The following PHIP variants were observed in gnomAD, a reference collection of about 807,000 sequenced individuals.
The protein encoded by PHIP is PHIP subunit of CUL4-Ring ligase complex, also known as PH-interacting protein.
PHIP carries 54 observed loss-of-function variants against 236.8 expected under a neutral mutation model. The ratio of observed to expected loss-of-function variants is 0.23; its 90% CI spans 0.18 to 0.29. The LOEUF is 0.29. Ranked by LOEUF, PHIP falls within the 10% of genes least tolerant of loss-of-function variation. The pLI, the probability that PHIP is intolerant of heterozygous loss-of-function variation, is 1.00. For missense variants in PHIP, 1,370 were observed against 2,190.8 expected (o/e 0.63, Z 7.48); for synonymous variants, 756 against 718.9 (o/e 1.05, Z -0.83).
chr6:79,002,412 T>C lies in PHIP; in HGVS notation c.1654-288A>G, dbSNP rs78301050. 3.1e-3 allele frequency among the ~76,000 whole-genome samples: 475 copies of C among 152,180 alleles called. 2 individuals are homozygous for C. Among genetic ancestry groups the C allele is most frequent in the African/African-American group, 0.01 (420 of 41,528 alleles). On this transcript the variant is annotated intron_variant, in intron 16 of 39. Transcript: ENST00000275034. ...GCAATTTTGCTTTCCATGGTTTCAGTTACCTGTGGTCAACCTGACTCCAAA... is the reference window on the plus strand; with the variant it reads ...GCAATTTTGCTTTCCATGGTTTCAGCTACCTGTGGTCAACCTGACTCCAAA...
At chr6:79,025,090 T>C (rs1771329776) in intron 9 of PHIP, among the ~76,000 whole-genome samples, 1 of 152,180 alleles carries the variant, frequency 6.6e-6, no homozygotes, top group Admixed American at 6.5e-5. Flanking sequence ...ACTTCAATGA[T>C]TCTGTCTCCC....
chr6:79,039,733 G>A (rs1281768681), intron 7 of PHIP, among the ~76,000 whole-genome samples: 4 of 152,108 alleles, frequency 2.6e-5, no homozygotes, highest in Non-Finnish European at 1.5e-5. Flanking sequence ...GGCGTTCCAT[G>A]TACTTTTGAG....
intron 19 of PHIP, among the ~76,000 whole-genome samples, chr6:78,991,995 G>A (rs1244977473): frequency 3.5e-5 from 5 of 141,478 alleles, no homozygotes; most frequent in Admixed American, 1.5e-4. Context: ...ATGGAGTCTC[G>A]CTGTCGCCCA....
intron 32 of PHIP, chr6:78,957,601 T>G (rs966360216): frequency 2.0e-5 from 3 of 148,138 alleles, no homozygotes; most frequent in Non-Finnish European, 4.5e-5. Context: ...AAAAACTGAA[T>G]AATCCTGAAT....
intron 29 of PHIP, among the ~76,000 whole-genome samples, chr6:78,963,926 T>C (rs950201595): frequency 1.3e-5 from 2 of 152,086 alleles, no homozygotes; most frequent in Non-Finnish European, 1.5e-5. Context: ...TTAAACTCTA[T>C]AGGTTCGTAT....
At chr6:78,970,727 C>A in intron 25 of PHIP, 54 bp downstream of exon 25, 2 of 1,166,592 alleles carry the variant, frequency 1.7e-6, no homozygotes, top group South Asian at 2.7e-5. Context: ...ACAATTTTCT[C>A]CAAATTCCAT....
rs532023333 is a variant in PHIP at position 78,936,410 on chromosome 6, T to C, written c.*4283A>G. 13 of 152,006 alleles carry C rather than the reference T, an allele frequency of 8.6e-5. No homozygotes were observed. Among genetic ancestry groups the C allele is most frequent in the South Asian group, 6.2e-4 (3 of 4,828 alleles). 9.4% of individuals were successfully genotyped at this position (152,006 alleles called of 1,614,324 possible). A position where few individuals can be genotyped will look rare whatever the true frequency, so the allele number is the denominator to read the frequency against. On this transcript the variant is annotated 3_prime_UTR_variant, in exon 40 of 40. Transcript: ENST00000275034. ...TTAATATGGTCCAAAAATGTAACTT[T>C]GTATTGTCTCATGTTATAGTCTATC...
chr6:78,996,029 T>C (rs1183925463), intron 19 of PHIP, among the ~76,000 whole-genome samples: 3 of 152,200 alleles, frequency 2.0e-5, no homozygotes, highest in Non-Finnish European at 2.9e-5. Context: ...ATGAAGAATA[T>C]TTGAAGAGAA....
intron 15 of PHIP, 25 bp from the exon 16 acceptor site, chr6:79,003,883 A>T: frequency 6.6e-7 from 1 of 1,516,870 alleles, no homozygotes; most frequent in Non-Finnish European, 8.9e-7. Context: ...ACCAACAGTA[A>T]GAAAACTACC....
At position 78,962,586 on chromosome 6, in the gene PHIP, A is replaced by C. The variant is rs370495888; in HGVS notation, c.3535+511T>G. Among the ~76,000 whole-genome samples, 77 of 152,208 alleles carry C rather than the reference A, an allele frequency of 5.1e-4. 2 individuals carry two copies. The South Asian group carries it at 0.015, about 30-fold the overall frequency. On this transcript the variant is annotated intron_variant, in intron 30 of 39. Transcript: ENST00000275034. ...AGTGGGTTGCTACAAACCACCACATAATCTAGTTACTTCAGAAGCCCAGAA... is the reference window on the plus strand; with the variant it reads ...AGTGGGTTGCTACAAACCACCACATCATCTAGTTACTTCAGAAGCCCAGAA...
rs1189497470 is a variant in PHIP at position 78,946,705 on chromosome 6, A to G, written c.4370+6T>C. The G allele has an allele frequency of 3.2e-6, 5 of 1,541,232 alleles. No individual in the cohort carries two copies. The African/African-American group carries it at 7.2e-5, about 22-fold the overall frequency. The stretch of plus-strand genomic sequence containing the variant: ...CAGCTAGTGGTATTTAAAAGAAATT[A>G]AATACCTTGATGCAGCACTACTGGA... On this transcript the variant is annotated splice_donor_region_variant and intron_variant, in intron 37 of 39. Transcript: ENST00000275034.
intron 36 of PHIP, 94 bp from the exon 37 acceptor site, chr6:78,946,968 A>C: frequency 1.5e-6 from 1 of 674,644 alleles, no homozygotes; most frequent in Non-Finnish European, 2.4e-6. Flanking sequence ...CCAGTAAAAA[A>C]TATTTAGAAT....
chr6:79,019,719 G>A (rs939923219), intron 9 of PHIP, among the ~76,000 whole-genome samples: 2 of 151,942 alleles, frequency 1.3e-5, no homozygotes, highest in East Asian at 1.9e-4. Flanking sequence ...TGACTCTTAC[G>A]TCAACTACAA....
intron 7 of PHIP, among the ~76,000 whole-genome samples, chr6:79,036,651 G>A (rs1249639995): frequency 6.6e-6 from 1 of 152,000 alleles, no homozygotes; most frequent in Non-Finnish European, 1.5e-5. Context: ...GGCCAGGCGC[G>A]GTGGCTCACG....
At chr6:78,997,337 A>G (rs1769686369) in intron 19 of PHIP, 77 bp downstream of exon 19, 14 of 1,252,400 alleles carry the variant, frequency 1.1e-5, no homozygotes, top group Non-Finnish European at 1.6e-5. Context: ...AGAGCTGAAA[A>G]TAACAGCTGT....
chr6:78,946,042 A>G lies in PHIP; in HGVS notation c.4589T>C (p.Phe1530Ser), dbSNP rs1293579379. The change falls in exon 38 of 40, where the codon TTT becomes TCT. Residue 1530 changes from phenylalanine to serine, a missense_variant. Physicochemically the swap from Phe to Ser is radical, Grantham distance 155. Coordinates refer to ENST00000275034, the MANE Select transcript of PHIP (RefSeq NM_017934.7). ...QPSTSSAAKTFITKANASAIP... is the reference protein window; with the variant it reads ...QPSTSSAAKTSITKANASAIP... ...TGCAGATGCATTAGCTTTTGTAATA[A>G]AAGTCTTTGCAGCTGAAGAAGTAGA... The G allele has an allele frequency of 6.2e-7, 1 of 1,612,350 alleles. No homozygotes were observed. The highest frequency in any genetic ancestry group is 8.5e-7 in the Non-Finnish European group (1 of 1,178,378).
chr6:78,986,638 C>CT (rs1278865611), intron 21 of PHIP, among the ~76,000 whole-genome samples: 1 of 152,168 alleles, frequency 6.6e-6, no homozygotes, highest in Admixed American at 6.5e-5. Flanking sequence ...GTGTTACTTA[C>CT]TTGCTGGGCA....
intron 9 of PHIP, among the ~76,000 whole-genome samples, chr6:79,019,961 C>T (rs770206344): frequency 6.6e-6 from 1 of 152,044 alleles, no homozygotes; most frequent in Non-Finnish European, 1.5e-5. Flanking sequence ...ATATTTGAAG[C>T]CCTACTTACT....
intron 31 of PHIP, among the ~76,000 whole-genome samples, chr6:78,958,919 T>A (rs1258142504): frequency 6.6e-6 from 1 of 152,104 alleles, no homozygotes; most frequent in East Asian, 1.9e-4. Context: ...AAGTTTTGGC[T>A]TTATGTATTT....
Sources: gnomAD v4.1 joint callset for allele counts (sites outside exome capture counted in the v4.1 genomes callset) on GRCh38, gnomAD v4.1.1 for gene constraint, MANE v1.5 for transcripts, NCBI Gene and HGNC (gene_info 2026-07-23, HGNC 2026-07-21) for gene names.